Variants in RALGAPA1 observed in about 807,000 individuals in gnomAD.
RALGAPA1 encodes the protein ral GTPase-activating protein subunit alpha-1.
RALGAPA1 carries 52 observed loss-of-function variants against 269.6 expected under a neutral mutation model. That is an observed-to-expected ratio of 0.19 (90% CI 0.15 to 0.24). The LOEUF (loss-of-function observed/expected upper bound fraction) is 0.24, where lower values mean the gene tolerates loss of function less well. RALGAPA1 is among the 10% of genes least tolerant of loss of function. The pLI is 1.00. For synonymous variants in RALGAPA1, 817 were observed against 1,008.3 expected, an observed-to-expected ratio of 0.81 and a Z score of 3.60; for missense variants, 1,917 against 3,013.9, an observed-to-expected ratio of 0.64 and a Z score of 8.52.
chr14:35,728,243 A>C, intron 13 of RALGAPA1, 119 bp downstream of exon 13: 2 of 908,818 alleles, frequency 2.2e-6, no homozygotes, highest in Non-Finnish European at 2.9e-6. Flanking sequence ...TTTATTCAAT[A>C]ATAGGAGCCT....
intron 3 of RALGAPA1, among the ~76,000 whole-genome samples, chr14:35,771,395 G>GAAACAAAACA (rs758320424): frequency 1.3e-4 from 19 of 151,932 alleles, no homozygotes. Flanking sequence ...ACTCCGTCTC[G>GAAACAAAACA]AAACAAAACA....
chr14:35,689,745 C>A lies in RALGAPA1; in HGVS notation c.2666G>T (p.Ser889Ile). The change falls in exon 18 of 42, where the codon AGC becomes ATC. Residue 889 changes from serine (S) to isoleucine (I), a missense_variant. By Grantham distance (142) the Ser-to-Ile change is moderately radical. Transcript: ENST00000680220. ...TCTACTATGAGTATCAGTGATGTGG[C>A]TTTCAGTGGATCTAGTTATTGAAGA... ...EASSITRSTE[S>I]HITDTHSRES... The A allele has an allele frequency of 6.7e-7, 1 of 1,488,968 alleles. No individual in the cohort carries two copies. Among genetic ancestry groups the A allele is most frequent in the Non-Finnish European group, 8.9e-7 (1 of 1,126,630 alleles). The allele number at this position is 1,488,968 out of a possible 1,614,324, so 92.2% of individuals were successfully genotyped here.
intron 41 of RALGAPA1, among the ~76,000 whole-genome samples, chr14:35,543,762 C>T (rs1421341381): frequency 6.6e-6 from 1 of 152,220 alleles, no homozygotes; most frequent in Non-Finnish European, 1.5e-5. Flanking sequence ...CCTGCCTCAG[C>T]CTCCTGAGTA....
intron 17 of RALGAPA1, among the ~76,000 whole-genome samples, chr14:35,695,965 A>G (rs190525970): frequency 5.0e-4 from 76 of 152,330 alleles, no homozygotes; most frequent in Middle Eastern, 6.8e-3. Context: ...ATTATATTAG[A>G]TGTTTGTGCA....
At chr14:35,643,256 C>T (rs1309442168) in intron 31 of RALGAPA1, among the ~76,000 whole-genome samples, 3 of 152,048 alleles carry the variant, frequency 2.0e-5, no homozygotes, top group Admixed American at 6.5e-5. Context: ...GGGTGCAGCA[C>T]ACTAACATGG....
At position 35,554,338 on chromosome 14, in the gene RALGAPA1, C is replaced by CTTTTTT. The variant is rs869302363; in HGVS notation, c.7497-5110_7497-5105dup. On this transcript the variant is annotated intron_variant, in intron 39 of 41. Transcript: ENST00000680220. ...CTTGTTCTTCTACTAAATACACTTTCTTTTTTTTTTTTTTTTTTTTTTTTT... is the reference window on the plus strand; with the variant it reads ...CTTGTTCTTCTACTAAATACACTTTCTTTTTTTTTTTTTTTTTTTTTTTTTTTTTTT... 3.8e-3 allele frequency among the ~76,000 whole-genome samples: 328 copies of CTTTTTT among 85,768 alleles called. 17 individuals carry two copies. Among genetic ancestry groups the CTTTTTT allele is most frequent in the Non-Finnish European group, 6.1e-3 (287 of 46,956 alleles). The allele number at this position is 85,768 out of a possible 152,430, so 56.3% of individuals were successfully genotyped here. A position where few individuals can be genotyped will look rare whatever the true frequency, so the allele number is the denominator to read the frequency against.
chr14:35,626,639 T>C (rs2061004025), intron 34 of RALGAPA1, among the ~76,000 whole-genome samples: 1 of 152,168 alleles, frequency 6.6e-6, no homozygotes, highest in South Asian at 2.1e-4. Flanking sequence ...CCTAACTTAC[T>C]TGAATACCTC....
In RALGAPA1 at chr14:35,752,040, T is replaced by C; in HGVS notation, c.786A>G (p.Leu262=). ...IFPNICKENS[L]YHPILDIPQM... The stretch of plus-strand genomic sequence containing the variant: ...ATTACCTACCAAGTATAGGATGATA[T>C]AAACTGTTTTCCTTACAGATGTTTG... Residue 262 remains leucine, a synonymous_variant, in exon 8 of 42, where the codon TTA becomes TTG. Coordinates refer to ENST00000680220, the MANE Select transcript of RALGAPA1 (RefSeq NM_001346249.2). The C allele has an allele frequency of 6.3e-7, 1 of 1,582,592 alleles. No homozygotes were observed. The highest frequency in any genetic ancestry group is 8.6e-7 in the Non-Finnish European group (1 of 1,169,460).
At chr14:35,601,096 A>G (rs1269438343) in intron 36 of RALGAPA1, among the ~76,000 whole-genome samples, 2 of 152,202 alleles carry the variant, frequency 1.3e-5, no homozygotes, top group African/African-American at 4.8e-5. Context: ...GATATGTGGA[A>G]GCAGGAGTTC....
intron 39 of RALGAPA1, among the ~76,000 whole-genome samples, chr14:35,554,334 CTTTCTT>C (rs1214773526): frequency 1.4e-5 from 2 of 139,324 alleles, no homozygotes; most frequent in East Asian, 2.1e-4. Context: ...ACTAAATACA[CTTTCTT>C]TTTTTTTTTT....
rs954125154 is a variant in RALGAPA1, at chr14:35,750,397, G to A, written c.1011+85C>T. The A allele has an allele frequency of 1.1e-4, 91 of 845,696 alleles. No individual in the cohort carries two copies. The East Asian group carries it at 2.3e-3, about 21-fold the overall frequency. The allele number at this position is 845,696 out of a possible 1,614,324, so 52.4% of individuals were successfully genotyped here. A position where few individuals can be genotyped will look rare whatever the true frequency, so the allele number is the denominator to read the frequency against. Reference sequence around the variant, plus strand: ...AAATAGCACTATTATTTAAGTGTACGCTCCACCTAAGGCAACTGAACTCAA... The same window carrying A: ...AAATAGCACTATTATTTAAGTGTACACTCCACCTAAGGCAACTGAACTCAA... On this transcript the variant is annotated intron_variant, in intron 9 of 41. Transcript: ENST00000680220.
At chr14:35,755,067 A>C (rs2073051624) in intron 7 of RALGAPA1, among the ~76,000 whole-genome samples, 1 of 152,128 alleles carries the variant, frequency 6.6e-6, no homozygotes, top group Non-Finnish European at 1.5e-5. Context: ...AAAGGGATCC[A>C]AGGGGCATGG....
chr14:35,589,543 A>G (rs2058510427), intron 37 of RALGAPA1, among the ~76,000 whole-genome samples: 1 of 152,202 alleles, frequency 6.6e-6, no homozygotes, highest in Admixed American at 6.5e-5. Context: ...TCAATTAAAA[A>G]AGTAAATGTT....
At chr14:35,580,497 C>A (rs1316194630) in intron 37 of RALGAPA1, among the ~76,000 whole-genome samples, 12 of 152,044 alleles carry the variant, frequency 7.9e-5, no homozygotes, top group South Asian at 6.2e-4. Flanking sequence ...TATGGTGGTG[C>A]AACATTTCTA....
chr14:35,698,052 T>C (rs1420687334), intron 17 of RALGAPA1, among the ~76,000 whole-genome samples: 1 of 152,202 alleles, frequency 6.6e-6, no homozygotes, highest in East Asian at 1.9e-4. Flanking sequence ...AAAATGAACA[T>C]TATTTTGATA....
chr14:35,641,156 G>A (rs2062002202), intron 31 of RALGAPA1, among the ~76,000 whole-genome samples: 2 of 152,096 alleles, frequency 1.3e-5, no homozygotes, highest in South Asian at 4.1e-4. Context: ...CAGAGAAACT[G>A]AAATCCTTTT....
intron 17 of RALGAPA1, among the ~76,000 whole-genome samples, chr14:35,694,400 C>T (rs562123830): frequency 3.3e-5 from 5 of 152,184 alleles, no homozygotes; most frequent in South Asian, 2.1e-4. Flanking sequence ...TGGGCAACAA[C>T]GGCAATGTAC....
chr14:35,750,509 T>C lies in RALGAPA1; in HGVS notation c.984A>G (p.Glu328=). The change falls in exon 9 of 42, where the codon GAA becomes GAG. Residue 328 remains glutamate, a synonymous_variant. Transcript: ENST00000680220. ...PHTGPHIPGM[E]GEVLPKNIQR... is the part of the protein sequence containing the mutation. ...GAATATTCTTTGGCAAGACTTCACC[T>C]TCCATCCCAGGAATATGAGGTCCTG... 2 of 1,612,952 alleles carry C rather than the reference T, an allele frequency of 1.2e-6. No homozygotes were observed.
intron 1 of RALGAPA1, among the ~76,000 whole-genome samples, chr14:35,792,103 C>T (rs1446420392): frequency 6.6e-6 from 1 of 151,984 alleles, no homozygotes; most frequent in East Asian, 1.9e-4. Flanking sequence ...GGATTTTGTA[C>T]TGTATCACAT....
Sources: allele counts gnomAD v4.1 joint callset (sites outside exome capture counted in the v4.1 genomes callset), GRCh38; gene constraint gnomAD v4.1.1; transcripts MANE v1.5; gene names NCBI Gene and HGNC (gene_info 2026-07-23, HGNC 2026-07-21).